The following TFAP2D variants were observed in gnomAD, a reference collection of about 807,000 sequenced individuals.
The protein encoded by TFAP2D is transcription factor AP-2-delta.
A neutral mutation model predicts 43.6 loss-of-function variants in TFAP2D; 9 were observed. That is an observed-to-expected ratio of 0.21 (90% CI 0.12 to 0.36). The LOEUF is 0.36. TFAP2D is among the 10% of genes least tolerant of loss of function. TFAP2D has a pLI of 1.00. For synonymous variants in TFAP2D, 256 were observed against 224.9 expected, an observed-to-expected ratio of 1.14 and a Z score of -1.24; for missense variants, 513 against 561.4, an observed-to-expected ratio of 0.91 and a Z score of 0.87.
chr6:50,746,503 G>A (rs1480963432), intron 6 of TFAP2D, among the ~76,000 whole-genome samples: 2 of 152,154 alleles, frequency 1.3e-5, no homozygotes, highest in Non-Finnish European at 2.9e-5. Context: ...CTCCCAAAGG[G>A]CTAGGATTAC....
intron 3 of TFAP2D, 22 bp from the exon 4 acceptor site, chr6:50,728,834 T>C (rs377318039): frequency 6.2e-7 from 1 of 1,612,874 alleles, no homozygotes; most frequent in Non-Finnish European, 8.5e-7. Flanking sequence ...ACTAACATGT[T>C]ATATACTTTT....
chr6:50,717,444 T>G (rs139302826), intron 2 of TFAP2D, among the ~76,000 whole-genome samples: 1 of 152,344 alleles, frequency 6.6e-6, no homozygotes, highest in South Asian at 2.1e-4. Flanking sequence ...GGGAAAGTGA[T>G]TCACTGCTTT....
chr6:50,728,985 G>A lies in TFAP2D; in HGVS notation c.728G>A (p.Cys243Tyr), dbSNP rs1221756153. The A allele has an allele frequency of 2.5e-6, 4 of 1,613,800 alleles. No homozygotes were observed. The South Asian group carries it at 3.3e-5, about 13-fold the overall frequency. Residue 243 changes from cysteine (C) to tyrosine (Y), a missense_variant, in exon 4 of 8, where the codon TGC (cysteine) becomes TAC (tyrosine). Physicochemically the swap from Cys to Tyr is radical, Grantham distance 194 (BLOSUM62 -2). This residue lies in a region of TFAP2D where 311 missense variants were observed against 316.2 expected (regional missense o/e 0.98). Transcript: ENST00000008391. ...AAGAGGCGCCTCTCCCCACCTGAGT[G>A]CCTCAATGCTTCACTCTTGGGAGGC... ...EVKRRLSPPE[C>Y]LNASLLGGIL...
chr6:50,768,571 G>A (rs1455955967), intron 7 of TFAP2D, among the ~76,000 whole-genome samples: 1 of 151,998 alleles, frequency 6.6e-6, no homozygotes, highest in Non-Finnish European at 1.5e-5. Context: ...TAAAAGAATA[G>A]CATGATGTTC....
rs1769138914 is a variant in TFAP2D, at chr6:50,747,350, G to GTGTTTCCATAGCATATCATCCTAGC, written c.1025+2105_1025+2129dup. ...CTAGAATTTAGGTAATATCTCCCAGGTGTTTCCATAGCATATCATCCTAGC... is the reference window on the plus strand; with the variant it reads ...CTAGAATTTAGGTAATATCTCCCAGGTGTTTCCATAGCATATCATCCTAGCTGTTTCCATAGCATATCATCCTAGC... On this transcript the variant is annotated intron_variant, in intron 6 of 7. Coordinates refer to ENST00000008391, the MANE Select transcript of TFAP2D (RefSeq NM_172238.4). Among the ~76,000 whole-genome samples the GTGTTTCCATAGCATATCATCCTAGC allele has an allele frequency of 2.0e-5, 3 of 152,186 alleles. No homozygotes were observed. In the East Asian group the frequency reaches 5.8e-4, roughly 29 times the overall value.
chr6:50,717,242 C>T (rs752916639), intron 2 of TFAP2D, among the ~76,000 whole-genome samples: 2 of 152,258 alleles, frequency 1.3e-5, no homozygotes, highest in Middle Eastern at 3.4e-3. Context: ...AGACAAAGAG[C>T]GAATCCCGTG....
chr6:50,726,652 A>G, intron 3 of TFAP2D, among the ~76,000 whole-genome samples: 1 of 152,230 alleles, frequency 6.6e-6, no homozygotes, highest in East Asian at 1.9e-4. Context: ...ATCAGGATCA[A>G]AATTCTCACA....
intron 5 of TFAP2D, among the ~76,000 whole-genome samples, chr6:50,742,779 C>T (rs1452546996): frequency 6.6e-6 from 1 of 152,060 alleles, no homozygotes; most frequent in African/African-American, 2.4e-5. Context: ...TTACAAGATA[C>T]TTTTGAAGCC....
intron 7 of TFAP2D, among the ~76,000 whole-genome samples, chr6:50,760,465 A>T (rs1210220566): frequency 1.3e-5 from 2 of 152,008 alleles, no homozygotes; most frequent in African/African-American, 2.4e-5. Context: ...TCTTCTATGC[A>T]TCTAGGGTTG....
intron 5 of TFAP2D, among the ~76,000 whole-genome samples, chr6:50,739,093 T>G (rs1439546133): frequency 6.6e-6 from 1 of 152,192 alleles, no homozygotes; most frequent in Non-Finnish European, 1.5e-5. Context: ...CTATGATACT[T>G]TAAGTTCTAG....
At chr6:50,733,986 ATGTGTG>A (rs34213110) in intron 5 of TFAP2D, among the ~76,000 whole-genome samples, 2,284 of 141,658 alleles carry the variant, frequency 0.016, 60 homozygotes, top group African/African-American at 0.054. Flanking sequence ...CTTTCTGTGT[ATGTGTG>A]TGTGTGTGTG....
At chr6:50,768,180 C>G (rs1179447151) in intron 7 of TFAP2D, among the ~76,000 whole-genome samples, 2 of 149,148 alleles carry the variant, frequency 1.3e-5, no homozygotes, top group African/African-American at 4.9e-5. Flanking sequence ...GAAGATTTGA[C>G]TATAGTTCGT....
intron 7 of TFAP2D, among the ~76,000 whole-genome samples, chr6:50,763,049 C>G (rs140813057): frequency 3.9e-5 from 6 of 151,972 alleles, no homozygotes; most frequent in Non-Finnish European, 8.8e-5. Flanking sequence ...TAGTATATTG[C>G]GACACTAATT....
In TFAP2D at chr6:50,748,960, C is replaced by A. The variant is rs568031662; in HGVS notation, c.1026-2251C>A. 5.9e-5 allele frequency among the ~76,000 whole-genome samples: 9 copies of A among 151,804 alleles called. No homozygotes were observed. In the South Asian group the frequency reaches 8.3e-4, roughly 14 times the overall value. On this transcript the variant is annotated intron_variant, in intron 6 of 7. Transcript: ENST00000008391. ...TTGTGTTACATAATTCATAATATGA[C>A]ATTTTGCCTTGAGATGTAAGATTGT...
Position 50,750,962 on chromosome 6 carries a change from A to ATTGGTC in TFAP2D, c.1026-246_1026-241dup, listed in dbSNP as rs1246536055. On this transcript the variant is annotated intron_variant, in intron 6 of 7. Transcript: ENST00000008391. ...ATGAATAGTCATCTTAAAAATAAACATTGGTCTTATCAGTGCTCATGGATT... is the reference window on the plus strand; with the variant it reads ...ATGAATAGTCATCTTAAAAATAAACATTGGTCTTGGTCTTATCAGTGCTCATGGATT... Among the ~76,000 whole-genome samples the ATTGGTC allele has an allele frequency of 2.0e-5, 3 of 152,010 alleles. No individual in the cohort carries two copies. In the East Asian group the frequency reaches 5.8e-4, roughly 29 times the overall value.
rs1769558288 is a variant in TFAP2D at position 50,773,004 on chromosome 6, T to C, written c.*140T>C. ...CTCCATAAAAAAACAAAAATGGAAA[T>C]GAAAAATGAAACAAAAAAGGACAAA... On this transcript the variant is annotated 3_prime_UTR_variant, in exon 8 of 8. Transcript: ENST00000008391. The C allele has an allele frequency of 3.0e-6, 2 of 666,100 alleles. No individual in the cohort carries two copies. The highest frequency in any genetic ancestry group is 4.3e-5 in the Admixed American group (1 of 23,234). The allele number at this position is 666,100 out of a possible 1,614,324, so 41.3% of individuals were successfully genotyped here.
chr6:50,741,087 AT>A lies in TFAP2D; in HGVS notation c.884-4019del, dbSNP rs541128427. Among the ~76,000 whole-genome samples the A allele has an allele frequency of 1.3e-4, 19 of 151,958 alleles. 1 individual carries two copies. The South Asian group carries it at 3.1e-3, about 25-fold the overall frequency. ...GAGATATGTTTAATATAAGTATTAA[AT>A]ATCTGTATTTAATATAAGTATTTAA... On this transcript the variant is annotated intron_variant, in intron 5 of 7. Transcript: ENST00000008391.
rs971170359 is a variant in TFAP2D, at chr6:50,719,031, A to G, written c.538-59A>G. On this transcript the variant is annotated intron_variant, in intron 2 of 7. Coordinates refer to ENST00000008391, the MANE Select transcript of TFAP2D (RefSeq NM_172238.4). ...TGGGCTAGTCTAAAAGACTTTACCT[A>G]CGTGGTCATGCATATGAGTATCCAT... 17 of 1,528,356 alleles carry G rather than the reference A, an allele frequency of 1.1e-5. No homozygotes were observed. The African/African-American group carries it at 2.3e-4, about 21-fold the overall frequency. 94.7% of individuals were successfully genotyped at this position (1,528,356 alleles called of 1,614,324 possible).
At chr6:50,729,363 G>T in intron 5 of TFAP2D, 51 bp downstream of exon 5, 1 of 1,482,390 alleles carries the variant, frequency 6.7e-7, no homozygotes, top group South Asian at 1.1e-5. Context: ...GCGTGTCTTT[G>T]AAACTCAGGT....
Sources: gnomAD v4.1 joint callset for allele counts (sites outside exome capture counted in the v4.1 genomes callset) on GRCh38, gnomAD v4.1.1 for gene constraint, gnomAD v4.1.1 regional missense constraint, MANE v1.5 for transcripts, NCBI Gene and HGNC (gene_info 2026-07-23, HGNC 2026-07-21) for gene names.